The following MET variants were observed in gnomAD, a reference collection of about 807,000 sequenced individuals.
The protein encoded by MET is hepatocyte growth factor receptor.
A neutral mutation model predicts 133.1 loss-of-function variants in MET; 48 were observed. The observed-to-expected ratio is 0.36, with a 90% CI of 0.29 to 0.46. The LOEUF is 0.46. MET is among the 20% of genes least tolerant of loss of function. The pLI is 1.00. For missense variants in MET, 1,442 were observed against 1,695.9 expected (o/e 0.85, Z 2.63); for synonymous variants, 628 against 616.5 (o/e 1.02, Z -0.28).
intron 5 of MET, among the ~76,000 whole-genome samples, chr7:116,748,470 A>C (rs1281373178): frequency 6.6e-6 from 1 of 152,234 alleles, no homozygotes; most frequent in Non-Finnish European, 1.5e-5. Context: ...GGACACAGCT[A>C]AAGCAGTGTT....
intron 1 of MET, among the ~76,000 whole-genome samples, chr7:116,679,301 T>G (rs1342602156): frequency 6.6e-6 from 1 of 152,182 alleles, no homozygotes; most frequent in East Asian, 1.9e-4. Context: ...TGGAATAAGA[T>G]CTATTCTAAG....
intron 2 of MET, among the ~76,000 whole-genome samples, chr7:116,710,447 G>C (rs779067011): frequency 3.4e-4 from 52 of 152,144 alleles, no homozygotes; most frequent in Admixed American, 1.3e-3. Context: ...TTTCTGTCTA[G>C]ATTCTTTTTA....
chr7:116,742,215 A>G (rs1372552457), intron 5 of MET, among the ~76,000 whole-genome samples: 1 of 152,218 alleles, frequency 6.6e-6, no homozygotes, highest in East Asian at 1.9e-4. Context: ...GGTTTGGAGC[A>G]AGATTTGTAG....
At chr7:116,734,232 T>G (rs202097954) in intron 3 of MET, among the ~76,000 whole-genome samples, 1 of 151,718 alleles carries the variant, frequency 6.6e-6, no homozygotes, top group African/African-American at 2.4e-5. Context: ...ACATTTTTTT[T>G]CCCCCCAAAG....
Position 116,740,820 on chromosome 7 carries a change from C to T in MET, c.1528-32C>T, listed in dbSNP as rs762806877. On this transcript the variant is annotated intron_variant, in intron 4 of 20. Transcript: ENST00000397752. Reference sequence around the variant, plus strand: ...ATTAATTAACAAACTAGATACCCCTCTGGAAGCTCTTTCCACCCCTTCTCT... The same window carrying T: ...ATTAATTAACAAACTAGATACCCCTTTGGAAGCTCTTTCCACCCCTTCTCT... 6 of 1,612,892 alleles carry T rather than the reference C, an allele frequency of 3.7e-6. No individual in the cohort carries two copies. In the Admixed American group the frequency reaches 1.0e-4, roughly 27 times the overall value.
chr7:116,764,542 G>A (rs1461891295), intron 11 of MET, among the ~76,000 whole-genome samples: 1 of 151,848 alleles, frequency 6.6e-6, no homozygotes, highest in Non-Finnish European at 1.5e-5. Flanking sequence ...TTCTGTTCCT[G>A]TATCTATGAT....
chr7:116,727,459 A>G (rs1383374613), intron 2 of MET, among the ~76,000 whole-genome samples: 1 of 152,144 alleles, frequency 6.6e-6, no homozygotes, highest in Admixed American at 6.5e-5. Context: ...GGGTGCAGGA[A>G]AAAGTTTGAT....
chr7:116,735,642 A>G (rs1414209879), intron 3 of MET, among the ~76,000 whole-genome samples: 2 of 152,208 alleles, frequency 1.3e-5, no homozygotes, highest in African/African-American at 4.8e-5. Context: ...AGGAAGCTTC[A>G]ACTTGAACAA....
At chr7:116,693,867 G>T (rs183452921) in intron 1 of MET, among the ~76,000 whole-genome samples, 20 of 152,320 alleles carry the variant, frequency 1.3e-4, no homozygotes, top group African/African-American at 1.9e-4. Context: ...TATGTGCCAG[G>T]CAGTGTTCTT....
intron 1 of MET, among the ~76,000 whole-genome samples, chr7:116,690,557 T>C (rs1439905873): frequency 1.3e-5 from 2 of 152,202 alleles, no homozygotes; most frequent in African/African-American, 4.8e-5. Flanking sequence ...CTGGCTACGA[T>C]AGAAGGGATT....
At chr7:116,746,715 G>A (rs1338136655) in intron 5 of MET, among the ~76,000 whole-genome samples, 1 of 150,400 alleles carries the variant, frequency 6.6e-6, no homozygotes, top group East Asian at 2.0e-4. Flanking sequence ...TCACTCATAG[G>A]TGGGAATTGA....
chr7:116,756,151 G>A (rs1794169913), intron 6 of MET, among the ~76,000 whole-genome samples: 1 of 152,142 alleles, frequency 6.6e-6, no homozygotes, highest in Admixed American at 6.5e-5. Flanking sequence ...AATCCAGAGA[G>A]TAAGAGCTGA....
At chr7:116,765,400 A>G (rs1244143614) in intron 11 of MET, among the ~76,000 whole-genome samples, 1 of 151,876 alleles carries the variant, frequency 6.6e-6, no homozygotes, top group African/African-American at 2.4e-5. Context: ...CATGCTCCTC[A>G]TGCAGCCATG....
chr7:116,685,084 G>A (rs903442983), intron 1 of MET, among the ~76,000 whole-genome samples: 9 of 152,306 alleles, frequency 5.9e-5, no homozygotes, highest in African/African-American at 1.9e-4. Context: ...CAGAGAGGGA[G>A]ACCAGGTTTT....
chr7:116,723,048 G>A (rs1352729221), intron 2 of MET, among the ~76,000 whole-genome samples: 3 of 142,988 alleles, frequency 2.1e-5, no homozygotes, highest in South Asian at 2.4e-4. Flanking sequence ...GATTGGGGAA[G>A]TTCTCCTGGA....
chr7:116,771,204 T>C (rs1472040277), intron 12 of MET, among the ~76,000 whole-genome samples: 1 of 152,226 alleles, frequency 6.6e-6, no homozygotes, highest in Non-Finnish European at 1.5e-5. Flanking sequence ...TTTATTTATA[T>C]GTCTGTCTCC....
chr7:116,766,385 G>T (rs1051910873), intron 11 of MET, among the ~76,000 whole-genome samples: 5 of 152,186 alleles, frequency 3.3e-5, no homozygotes, highest in African/African-American at 1.2e-4. Context: ...CTATGACACT[G>T]TCATCACAGG....
intron 5 of MET, among the ~76,000 whole-genome samples, chr7:116,749,076 A>T (rs1298918119): frequency 6.6e-6 from 1 of 152,214 alleles, no homozygotes; most frequent in African/African-American, 2.4e-5. Context: ...AACAATAGAA[A>T]AACAAGGGAC....
At chr7:116,774,779 C>T (rs2117028381) in intron 14 of MET, 102 bp from the exon 15 acceptor site, 2 of 868,990 alleles carry the variant, frequency 2.3e-6, no homozygotes, top group Non-Finnish European at 3.7e-6. Flanking sequence ...AATTTATTAT[C>T]ATTTTTATCA....
Sources: gnomAD v4.1 joint callset for allele counts (sites outside exome capture counted in the v4.1 genomes callset) on GRCh38, gnomAD v4.1.1 for gene constraint, MANE v1.5 for transcripts, NCBI Gene and HGNC (gene_info 2026-07-23, HGNC 2026-07-21) for gene names.